CDH13: variants seen among roughly 807,000 people sequenced by gnomAD.
CDH13 encodes cadherin 13, also known as cadherin-13.
In CDH13, 24 loss-of-function variants were observed where a neutral mutation model predicts 63.8. The ratio of observed to expected loss-of-function variants is 0.38; its 90% CI spans 0.27 to 0.53. CDH13 has a LOEUF of 0.53. Ranked by LOEUF, CDH13 falls within the 20% of genes least tolerant of loss-of-function variation. The probability of loss-of-function intolerance (pLI) is 0.85; values close to 1 mark genes in which losing one functional copy is unlikely to be tolerated. For missense variants in CDH13, 1,049 were observed against 903.1 expected (o/e 1.16, Z -2.07); for synonymous variants, 503 against 355.3 (o/e 1.42, Z -4.67).
chr16:82,797,861 C>G (rs140154222), intron 1 of CDH13, among the ~76,000 whole-genome samples: 154 of 151,362 alleles, frequency 1.0e-3, no homozygotes, highest in African/African-American at 3.6e-3. Flanking sequence ...TTCTTTAGAT[C>G]TGATGCTTAA....
chr16:83,113,734 C>G (rs58524702), intron 3 of CDH13, among the ~76,000 whole-genome samples: 2 of 151,940 alleles, frequency 1.3e-5, no homozygotes, highest in Non-Finnish European at 2.9e-5. Flanking sequence ...TAACCAGGCA[C>G]AAGAGGGGAG....
At chr16:83,075,157 T>A (rs1026739510) in intron 3 of CDH13, among the ~76,000 whole-genome samples, 1 of 152,200 alleles carries the variant, frequency 6.6e-6, no homozygotes, top group Non-Finnish European at 1.5e-5. Flanking sequence ...TTGCCCACAG[T>A]GGAAGTCTTT....
At chr16:83,622,102 T>C (rs937355011) in intron 8 of CDH13, among the ~76,000 whole-genome samples, 36 of 152,208 alleles carry the variant, frequency 2.4e-4, no homozygotes, top group African/African-American at 8.7e-4. Context: ...ATCAAGTGCT[T>C]ATCTGTGTGA....
intron 2 of CDH13, among the ~76,000 whole-genome samples, chr16:82,905,651 C>G (rs147066166): frequency 2.4e-4 from 37 of 152,088 alleles, no homozygotes; most frequent in African/African-American, 8.2e-4. Context: ...GTAGGTGCAT[C>G]AAAAAAGCAA....
At chr16:83,068,839 C>T (rs190075651) in intron 3 of CDH13, among the ~76,000 whole-genome samples, 2 of 152,152 alleles carry the variant, frequency 1.3e-5, no homozygotes, top group Non-Finnish European at 2.9e-5. Flanking sequence ...CCGTTCCCTG[C>T]CCCCTTGTTG....
intron 10 of CDH13, among the ~76,000 whole-genome samples, chr16:83,744,965 C>A (rs1189731830): frequency 1.3e-5 from 2 of 152,154 alleles, no homozygotes; most frequent in African/African-American, 4.8e-5. Flanking sequence ...ATCCAGCCTG[C>A]GAATCCCAAC....
rs563080500 is a variant in CDH13 at position 83,019,232 on chromosome 16, C to A, written c.158-12778C>A. On this transcript the variant is annotated intron_variant, in intron 2 of 13. Coordinates refer to ENST00000567109, the MANE Select transcript of CDH13 (RefSeq NM_001257.5). The stretch of plus-strand genomic sequence containing the variant: ...TTTCTTTATATCCTTATTTTATAGA[C>A]CTTTCTATTTTTAAATGTTTTCTCT... Among the ~76,000 whole-genome samples the A allele has an allele frequency of 1.4e-4, 21 of 152,118 alleles. 1 individual carries two copies. In the South Asian group the frequency reaches 4.4e-3, roughly 32 times the overall value.
chr16:83,706,299 C>T (rs1457859214), intron 10 of CDH13, among the ~76,000 whole-genome samples: 1 of 152,204 alleles, frequency 6.6e-6, no homozygotes, highest in East Asian at 1.9e-4. Context: ...TTTTATGATC[C>T]AGCCTCAGAA....
chr16:83,693,995 A>T (rs918330626), intron 10 of CDH13, among the ~76,000 whole-genome samples: 2 of 152,338 alleles, frequency 1.3e-5, no homozygotes, highest in Admixed American at 1.3e-4. Context: ...AGAACCTCTA[A>T]TCATACCTAG....
chr16:82,940,985 C>T (rs1042429495), intron 2 of CDH13, among the ~76,000 whole-genome samples: 1 of 152,082 alleles, frequency 6.6e-6, no homozygotes, highest in Non-Finnish European at 1.5e-5. Flanking sequence ...AGAAGGTGCA[C>T]ATTTGGGCTG....
At chr16:83,203,873 T>C (rs1043020286) in intron 4 of CDH13, among the ~76,000 whole-genome samples, 1 of 152,144 alleles carries the variant, frequency 6.6e-6, no homozygotes, top group Non-Finnish European at 1.5e-5. Context: ...GATTAATTTA[T>C]TGTCCTTTTA....
At position 83,435,978 on chromosome 16, in the gene CDH13, A is replaced by G. The variant is rs184113394; in HGVS notation, c.782-50499A>G. ...TTAAAAAGCTATTGAGAGTTTGTCCATGATCCCCAAGGATACATTTGACAA... is the reference window on the plus strand; with the variant it reads ...TTAAAAAGCTATTGAGAGTTTGTCCGTGATCCCCAAGGATACATTTGACAA... On this transcript the variant is annotated intron_variant, in intron 6 of 13. Coordinates refer to ENST00000567109, the MANE Select transcript of CDH13 (RefSeq NM_001257.5). 4.6e-5 allele frequency among the ~76,000 whole-genome samples: 7 copies of G among 152,332 alleles called. 1 individual carries two copies. The East Asian group carries it at 5.8e-4, about 13-fold the overall frequency.
At chr16:83,142,728 G>A (rs950769194) in intron 4 of CDH13, among the ~76,000 whole-genome samples, 1 of 152,108 alleles carries the variant, frequency 6.6e-6, no homozygotes, top group East Asian at 1.9e-4. Context: ...ATGTCTGGTG[G>A]ACTAGGCTCT....
chr16:82,847,432 C>T (rs1159372027), intron 1 of CDH13, among the ~76,000 whole-genome samples: 3 of 152,192 alleles, frequency 2.0e-5, no homozygotes, highest in Non-Finnish European at 4.4e-5. Flanking sequence ...TGGCCCCTTC[C>T]TCCATCTTCA....
In CDH13 at chr16:83,157,745, A is replaced by T. The variant is rs1214448878; in HGVS notation, c.483+32244A>T. ...CCGTCTCTACTAGAAATATAAAAAAAAAAAAAAAAAAAAAAAAATTATCTG... is the reference window on the plus strand; with the variant it reads ...CCGTCTCTACTAGAAATATAAAAAATAAAAAAAAAAAAAAAAAATTATCTG... On this transcript the variant is annotated intron_variant, in intron 4 of 13. Transcript: ENST00000567109. Among the ~76,000 whole-genome samples the T allele has an allele frequency of 3.7e-5, 4 of 108,392 alleles. No individual in the cohort carries two copies. The East Asian group carries it at 6.9e-4, about 19-fold the overall frequency. The allele number at this position is 108,392 out of a possible 152,430, so 71.1% of individuals were successfully genotyped here.
At chr16:83,392,098 A>G (rs978500005) in intron 6 of CDH13, among the ~76,000 whole-genome samples, 5 of 152,088 alleles carry the variant, frequency 3.3e-5, no homozygotes, top group Non-Finnish European at 5.9e-5. Context: ...GCCCCCTCGC[A>G]CTTCGAAAGC....
intron 1 of CDH13, among the ~76,000 whole-genome samples, chr16:82,847,512 C>G (rs553151468): frequency 6.6e-6 from 1 of 152,210 alleles, no homozygotes; most frequent in African/African-American, 2.4e-5. Context: ...CATCACATCT[C>G]TTTCTCTTAT....
intron 7 of CDH13, among the ~76,000 whole-genome samples, chr16:83,549,864 A>G (rs1009300827): frequency 6.6e-6 from 1 of 152,196 alleles, no homozygotes; most frequent in Admixed American, 6.5e-5. Flanking sequence ...TGTTGGTGGC[A>G]GGAGGTGAAA....
intron 8 of CDH13, among the ~76,000 whole-genome samples, chr16:83,612,671 A>C (rs886921980): frequency 6.6e-6 from 1 of 151,928 alleles, no homozygotes; most frequent in African/African-American, 2.4e-5. Flanking sequence ...CTTATTAGTT[A>C]TACTTCATTT....
Sources: allele counts gnomAD v4.1 joint callset (sites outside exome capture counted in the v4.1 genomes callset), GRCh38; gene constraint gnomAD v4.1.1; transcripts MANE v1.5; gene names NCBI Gene and HGNC (gene_info 2026-07-23, HGNC 2026-07-21).